The following PRKCB variants were observed in gnomAD, a reference collection of about 807,000 sequenced individuals.
PRKCB encodes the protein protein kinase C beta.
Under a neutral mutation model 81.5 loss-of-function variants are expected in PRKCB, and 13 were observed. The ratio of observed to expected loss-of-function variants is 0.16; its 90% confidence interval spans 0.10 to 0.25. PRKCB has a LOEUF of 0.25. PRKCB is among the 10% of genes least tolerant of loss of function. The probability of loss-of-function intolerance (pLI) is 1.00; values close to 1 mark genes in which losing one functional copy is unlikely to be tolerated. For synonymous variants in PRKCB, 335 were observed against 321.4 expected (o/e 1.04, Z -0.45); for missense variants, 509 against 875.7 (o/e 0.58, Z 5.29).
chr16:24,156,536 A>C (rs1283312790), intron 10 of PRKCB, among the ~76,000 whole-genome samples: 1 of 152,130 alleles, frequency 6.6e-6, no homozygotes, highest in Non-Finnish European at 1.5e-5. Flanking sequence ...CGGCCTCCCA[A>C]GGTGCTGGGA....
chr16:24,185,371 C>A (rs1359801972), intron 14 of PRKCB, 89 bp from the exon 15 acceptor site: 4 of 1,302,236 alleles, frequency 3.1e-6, no homozygotes, highest in African/African-American at 1.5e-5. Flanking sequence ...TCACTGTGGG[C>A]CCCAGGGAGG....
At chr16:24,030,716 CAAAAA>C (rs59739745) in intron 3 of PRKCB, among the ~76,000 whole-genome samples, 1 of 131,388 alleles carries the variant, frequency 7.6e-6, no homozygotes, top group African/African-American at 2.9e-5. Context: ...CCCCTCTCTA[CAAAAA>C]AAAAAAAAAA....
chr16:24,063,295 C>T (rs1239565396), intron 5 of PRKCB, among the ~76,000 whole-genome samples: 1 of 150,748 alleles, frequency 6.6e-6, no homozygotes, highest in East Asian at 1.9e-4. Flanking sequence ...TATCCTGATA[C>T]ACTTTTTTTT....
intron 2 of PRKCB, among the ~76,000 whole-genome samples, chr16:23,983,878 G>A (rs1964769657): frequency 6.6e-6 from 1 of 151,610 alleles, no homozygotes; most frequent in African/African-American, 2.4e-5. Context: ...ACCACACTTT[G>A]CTAATTTTTG....
chr16:23,958,905 G>C (rs750006235), intron 2 of PRKCB, among the ~76,000 whole-genome samples: 1 of 152,102 alleles, frequency 6.6e-6, no homozygotes, highest in South Asian at 2.1e-4. Context: ...TGGTGGTTCC[G>C]AGCCAGATGC....
At chr16:23,911,127 G>GTTTTTTTTT (rs1567310884) in intron 2 of PRKCB, among the ~76,000 whole-genome samples, 2 of 11,784 alleles carry the variant, frequency 1.7e-4, no homozygotes, top group African/African-American at 3.2e-4. Flanking sequence ...ACGTATATAT[G>GTTTTTTTTT]CTTTTTTTTT....
At chr16:24,180,379 T>G (rs1017728851) in intron 12 of PRKCB, among the ~76,000 whole-genome samples, 3 of 152,208 alleles carry the variant, frequency 2.0e-5, no homozygotes, top group African/African-American at 7.2e-5. Context: ...TTTAGAGATA[T>G]TTTAAAAAAT....
intron 14 of PRKCB, 52 bp from the exon 15 acceptor site, chr16:24,185,408 G>A: frequency 6.5e-7 from 1 of 1,531,138 alleles, no homozygotes; most frequent in Admixed American, 1.7e-5. Context: ...GGGGAGCTAG[G>A]GGGAGGGTTC....
chr16:24,109,061 C>G (rs1202116141), intron 7 of PRKCB, among the ~76,000 whole-genome samples: 200 of 138,094 alleles, frequency 1.4e-3, no homozygotes, highest in African/African-American at 5.3e-3. Context: ...CCAGATGGGG[C>G]GGCTGGCCGG....
At chr16:23,936,613 G>C (rs951907775) in intron 2 of PRKCB, among the ~76,000 whole-genome samples, 1 of 72,800 alleles carries the variant, frequency 1.4e-5, no homozygotes, top group Non-Finnish European at 2.8e-5. Flanking sequence ...TTGCATTTTT[G>C]GTAGAGACAG....
At chr16:24,156,252 C>T (rs1465274744) in intron 10 of PRKCB, among the ~76,000 whole-genome samples, 1 of 151,820 alleles carries the variant, frequency 6.6e-6, no homozygotes, top group East Asian at 1.9e-4. Context: ...AATTGGTTCA[C>T]TGTTGTGCTC....
In PRKCB at chr16:24,093,907, A is replaced by G. The variant is rs1422225891; in HGVS notation, c.687-256A>G. 3.3e-5 allele frequency among the ~76,000 whole-genome samples: 5 copies of G among 152,362 alleles called. No homozygotes were observed. The East Asian group carries it at 9.6e-4, about 29-fold the overall frequency. On this transcript the variant is annotated intron_variant, in intron 6 of 16. Transcript: ENST00000643927. ...TGAATATCCTGAACCCTATTAAGAC[A>G]TAAGATAACAAAAGTAGTTAGAACT...
At chr16:23,904,688 A>C (rs1042672199) in intron 2 of PRKCB, among the ~76,000 whole-genome samples, 1 of 152,204 alleles carries the variant, frequency 6.6e-6, no homozygotes. Flanking sequence ...ACAACAACAA[A>C]AAACCACAAC....
At chr16:23,996,171 A>G (rs1012089383) in intron 3 of PRKCB, among the ~76,000 whole-genome samples, 1 of 152,198 alleles carries the variant, frequency 6.6e-6, no homozygotes, top group African/African-American at 2.4e-5. Flanking sequence ...TGAGTGGGCA[A>G]TAAACATGAA....
intron 10 of PRKCB, among the ~76,000 whole-genome samples, chr16:24,158,835 A>G (rs1028180853): frequency 2.0e-5 from 3 of 151,970 alleles, no homozygotes; most frequent in African/African-American, 7.3e-5. Flanking sequence ...ATATTTAAAA[A>G]TATTTTGTAG....
chr16:24,180,857 T>A lies in PRKCB; in HGVS notation c.1462T>A (p.Cys488Ser). Residue 488 changes from cysteine (C) to serine (S), a missense_variant, in exon 13 of 17, where the codon TGT becomes AGT. Cys to Ser is a moderately radical substitution (Grantham distance 112). Transcript: ENST00000643927. ...GHIKIADFGMCKENIWDGVTT... is the reference protein window; with the variant it reads ...GHIKIADFGMSKENIWDGVTT... ...CATCAAGATTGCCGATTTTGGCATG[T>A]GTAAGGAAAACATCTGGGATGGGGT... 1 of 1,614,206 alleles carries A rather than the reference T, an allele frequency of 6.2e-7. No homozygotes were observed. Among genetic ancestry groups the A allele is most frequent in the Non-Finnish European group, 8.5e-7 (1 of 1,180,020 alleles).
At chr16:23,923,666 G>T (rs565602105) in intron 2 of PRKCB, among the ~76,000 whole-genome samples, 1 of 152,176 alleles carries the variant, frequency 6.6e-6, no homozygotes, top group South Asian at 2.1e-4. Flanking sequence ...CCAATCTTCA[G>T]TTACTAACAT....
At chr16:23,957,497 T>G (rs147439770) in intron 2 of PRKCB, among the ~76,000 whole-genome samples, 353 of 152,292 alleles carry the variant, frequency 2.3e-3, no homozygotes, top group African/African-American at 8.1e-3. Context: ...ATTGAAAACA[T>G]GCCATCAAAA....
At chr16:24,146,277 T>C (rs1384669251) in intron 9 of PRKCB, among the ~76,000 whole-genome samples, 2 of 152,106 alleles carry the variant, frequency 1.3e-5, no homozygotes, top group Admixed American at 1.3e-4. Flanking sequence ...GTCACTCAGG[T>C]TTTGGCTCTT....
Sources: allele counts gnomAD v4.1 joint callset (sites outside exome capture counted in the v4.1 genomes callset), GRCh38; gene constraint gnomAD v4.1.1; transcripts MANE v1.5; gene names NCBI Gene and HGNC (gene_info 2026-07-23, HGNC 2026-07-21).